UNC79: variants seen among roughly 807,000 people sequenced by gnomAD.
UNC79 encodes the protein unc-79 subunit of NALCN channel complex, also known as protein unc-79 homolog.
In UNC79, 37 loss-of-function variants were observed where a neutral mutation model predicts 283.1. That is an observed-to-expected ratio of 0.13 (90% CI 0.10 to 0.17). UNC79 has a LOEUF of 0.17. Among genes scored for constraint, UNC79 ranks in the 10% least tolerant of loss-of-function variants. The pLI is 1.00. For missense variants in UNC79, 2,272 were observed against 3,211.1 expected, an observed-to-expected ratio of 0.71 and a Z score of 7.07; for synonymous variants, 1,107 against 1,200.2, an observed-to-expected ratio of 0.92 and a Z score of 1.61.
chr14:93,439,692 GT>G (rs1454461422), intron 1 of UNC79, among the ~76,000 whole-genome samples: 1 of 151,944 alleles, frequency 6.6e-6, no homozygotes, highest in Non-Finnish European at 1.5e-5. Context: ...ATCTTTAAAA[GT>G]TTTTTAGAGT....
intron 26 of UNC79, 78 bp downstream of exon 26, chr14:93,603,496 C>A: frequency 6.7e-7 from 1 of 1,500,326 alleles, no homozygotes; most frequent in Non-Finnish European, 9.0e-7. Flanking sequence ...TGAATGTTCA[C>A]AGAGAGTATA....
intron 41 of UNC79, among the ~76,000 whole-genome samples, chr14:93,680,098 C>A (rs2073720618): frequency 6.6e-6 from 1 of 152,040 alleles, no homozygotes; most frequent in African/African-American, 2.4e-5. Flanking sequence ...TCTCTGTGTA[C>A]CTCCTTTACT....
At chr14:93,434,738 G>C (rs1023646844) in intron 1 of UNC79, among the ~76,000 whole-genome samples, 1 of 152,236 alleles carries the variant, frequency 6.6e-6, no homozygotes, top group Non-Finnish European at 1.5e-5. Context: ...AATGGGGATA[G>C]TTATAGTTGT....
intron 1 of UNC79, among the ~76,000 whole-genome samples, chr14:93,379,366 A>G (rs2054620193): frequency 6.6e-6 from 1 of 152,164 alleles, no homozygotes; most frequent in Admixed American, 6.6e-5. Context: ...GTAATTAAGC[A>G]GGATTTGGTA....
At chr14:93,460,506 C>CA (rs33915324) in intron 1 of UNC79, among the ~76,000 whole-genome samples, 1,965 of 103,206 alleles carry the variant, frequency 0.019, 35 homozygotes, top group East Asian at 0.075. Flanking sequence ...CAAGACTTCT[C>CA]AAAAAAAAAA....
intron 1 of UNC79, among the ~76,000 whole-genome samples, chr14:93,351,344 A>G (rs2139913686): frequency 6.6e-6 from 1 of 152,316 alleles, no homozygotes; most frequent in Admixed American, 6.5e-5. Flanking sequence ...CTTTGGTTAA[A>G]TGAACACATT....
At chr14:93,484,692 C>T (rs1028774931) in intron 4 of UNC79, among the ~76,000 whole-genome samples, 14 of 152,196 alleles carry the variant, frequency 9.2e-5, no homozygotes, top group African/African-American at 3.4e-4. Flanking sequence ...TTTACACCCT[C>T]ATGGGGACAA....
chr14:93,405,545 A>T (rs1213865554), intron 1 of UNC79, among the ~76,000 whole-genome samples: 1 of 152,198 alleles, frequency 6.6e-6, no homozygotes, highest in Non-Finnish European at 1.5e-5. Context: ...TGCTTCAAGT[A>T]ATCTGAGAAC....
In UNC79 at chr14:93,667,384, T is replaced by C. The variant is rs576908957; in HGVS notation, c.6636+4670T>C. Reference sequence around the variant, plus strand: ...CCAGATAAAACACACTGATAAAGAATATCAGCATAACTACAGACAGAGATT... The same window carrying C: ...CCAGATAAAACACACTGATAAAGAACATCAGCATAACTACAGACAGAGATT... On this transcript the variant is annotated intron_variant, in intron 40 of 48. Coordinates refer to ENST00000555664, the Ensembl canonical transcript of UNC79. Among the ~76,000 whole-genome samples, 3 of 152,282 alleles carry C rather than the reference T, an allele frequency of 2.0e-5. No homozygotes were observed. The East Asian group carries it at 5.8e-4, about 29-fold the overall frequency.
At chr14:93,681,222 C>T (rs145546404) in intron 41 of UNC79, among the ~76,000 whole-genome samples, 1 of 151,914 alleles carries the variant, frequency 6.6e-6, no homozygotes, top group South Asian at 2.1e-4. Context: ...TCCTGTCACA[C>T]AGCTCTTGGG....
At chr14:93,358,758 G>A (rs1210471981) in intron 1 of UNC79, among the ~76,000 whole-genome samples, 1 of 152,182 alleles carries the variant, frequency 6.6e-6, no homozygotes, top group Non-Finnish European at 1.5e-5. Flanking sequence ...ACCTTTGTCT[G>A]AGGAGATAAA....
intron 34 of UNC79, among the ~76,000 whole-genome samples, 164 bp downstream of exon 37, chr14:93,643,861 T>C (rs1290343813): frequency 6.6e-6 from 1 of 152,236 alleles, no homozygotes; most frequent in Non-Finnish European, 1.5e-5. Flanking sequence ...GACTCGTCTT[T>C]CGACTGAATT....
chr14:93,405,838 C>G (rs992799488), intron 1 of UNC79, among the ~76,000 whole-genome samples: 2 of 152,128 alleles, frequency 1.3e-5, no homozygotes, highest in African/African-American at 2.4e-5. Flanking sequence ...ATGTTTAACT[C>G]AAGAAACTAG....
At chr14:93,344,907 T>C (rs1275659190) in intron 1 of UNC79, among the ~76,000 whole-genome samples, 6 of 152,086 alleles carry the variant, frequency 3.9e-5, no homozygotes, top group East Asian at 1.9e-4. Flanking sequence ...CCAGTGGAAA[T>C]GTAACATGGG....
At chr14:93,370,628 C>T (rs746460357) in intron 1 of UNC79, among the ~76,000 whole-genome samples, 8 of 151,932 alleles carry the variant, frequency 5.3e-5, no homozygotes, top group Admixed American at 2.6e-4. Context: ...AAAAATTAGC[C>T]AGACGTGGTG....
At chr14:93,537,807 G>A (rs537615641) in intron 11 of UNC79, among the ~76,000 whole-genome samples, 182 bp from the exon 12 acceptor site, 2 of 152,252 alleles carry the variant, frequency 1.3e-5, no homozygotes, top group East Asian at 1.9e-4. Context: ...AACACTCCTC[G>A]CCTTTATTTT....
At chr14:93,676,755 G>A (rs1484531131) in intron 41 of UNC79, among the ~76,000 whole-genome samples, 1 of 152,176 alleles carries the variant, frequency 6.6e-6, no homozygotes, top group African/African-American at 2.4e-5. Context: ...AAATTACCCA[G>A]TGCTTAAGGA....
At chr14:93,533,928 T>G (rs1440189360) in intron 11 of UNC79, among the ~76,000 whole-genome samples, 1 of 152,252 alleles carries the variant, frequency 6.6e-6, no homozygotes, top group Non-Finnish European at 1.5e-5. Flanking sequence ...GCTTAAAGTC[T>G]AGTATCTTGT....
chr14:93,429,010 A>G (rs2055791315), upstream of UNC79, among the ~76,000 whole-genome samples: 1 of 152,212 alleles, frequency 6.6e-6, no homozygotes, highest in African/African-American at 2.4e-5. Flanking sequence ...ATAGGTTTCC[A>G]ACACATACTT....
Sources: gnomAD v4.1 joint callset for allele counts (sites outside exome capture counted in the v4.1 genomes callset) on GRCh38, gnomAD v4.1.1 for gene constraint, MANE v1.5 for transcripts, NCBI Gene and HGNC (gene_info 2026-07-23, HGNC 2026-07-21) for gene names.